The following SATL1 variants were observed in gnomAD, a reference collection of about 807,000 sequenced individuals.
The protein encoded by SATL1 is spermidine/spermine N1-acetyl transferase like 1.
Under a neutral mutation model 51.8 loss-of-function variants are expected in SATL1, and 47 were observed. That is an observed-to-expected ratio of 0.91 (90% CI 0.72 to 1.16). SATL1 has a LOEUF of 1.16. Among genes scored for constraint, SATL1 ranks in the 50% most tolerant of loss-of-function variants. SATL1 has a pLI of 0.00. For missense variants in SATL1, 520 were observed against 526.4 expected, an observed-to-expected ratio of 0.99 and a Z score of 0.12; for synonymous variants, 176 against 182.4, an observed-to-expected ratio of 0.97 and a Z score of 0.28.
At chrX:85,150,003 T>G (rs1317723416) in intron 2 of SATL1, among the ~76,000 whole-genome samples, 1 of 111,205 alleles carries the variant, frequency 9.0e-6, no homozygotes, top group African/African-American at 3.3e-5. Context: ...AAAAAACCCT[T>G]CAAAAAATTA....
intron 2 of SATL1, among the ~76,000 whole-genome samples, chrX:85,191,873 A>C (rs1464148708): frequency 9.0e-6 from 1 of 111,499 alleles, no homozygotes; most frequent in Non-Finnish European, 1.9e-5. Context: ...CACAGTTCAA[A>C]CCTGCATTGT....
intron 2 of SATL1, among the ~76,000 whole-genome samples, chrX:85,126,904 A>G (rs1925643252): frequency 9.4e-6 from 1 of 106,045 alleles, no homozygotes; most frequent in Admixed American, 1.0e-4. Context: ...TAGGAAATGT[A>G]TTCACTGTAG....
rs186264867 is a variant in SATL1 at position 85,107,799 on chromosome X, A to T, written c.1170T>A (p.Gly390=). Residue 390 remains glycine (G), a synonymous_variant, in exon 3 of 8, where the codon GGT becomes GGA. Coordinates refer to ENST00000644105, the MANE Select transcript of SATL1 (RefSeq NM_001367857.2). ...VMWQLDMRQS[G]GSQPSMRQVG... ...CTTGTCTCATGCTTGGTTGGCTCCC[A>T]CCTGACTGTCTCATGTCTAGTTGCC... 53 of 1,208,377 alleles carry T rather than the reference A, an allele frequency of 4.4e-5. No individual in the cohort carries two copies. In the East Asian group the frequency reaches 1.4e-3, roughly 32 times the overall value.
At chrX:85,227,518 A>G (rs1928299315) in intron 1 of SATL1, among the ~76,000 whole-genome samples, 1 of 112,092 alleles carries the variant, frequency 8.9e-6, no homozygotes, top group Non-Finnish European at 1.9e-5. Context: ...ATAGAAGTAT[A>G]CACCACCATT....
In SATL1 at chrX:85,111,181, T is replaced by C. The variant is rs759866128; in HGVS notation, c.-312-1901A>G. Among the ~76,000 whole-genome samples, 7 of 112,987 alleles carry C rather than the reference T, an allele frequency of 6.2e-5. No homozygotes were observed. In the South Asian group the frequency reaches 1.1e-3, roughly 17 times the overall value. ...CTTAGAGGAAGAGGCAAGTAATAGG[T>C]TTCTGGTTGATGTCTTTAATAAGTA... On this transcript the variant is annotated intron_variant, in intron 2 of 7. Transcript: ENST00000644105.
At chrX:85,219,222 A>C in intron 2 of SATL1, 1 of 112,264 alleles carries the variant, frequency 8.9e-6, no homozygotes, top group African/African-American at 3.2e-5. Context: ...TATGTGTACT[A>C]TATGGCTATC....
intron 2 of SATL1, among the ~76,000 whole-genome samples, chrX:85,173,836 A>G (rs1390743931): frequency 9.2e-6 from 1 of 108,898 alleles, no homozygotes; most frequent in Non-Finnish European, 1.9e-5. Flanking sequence ...GGTTTGTTAC[A>G]TATGTATACA....
chrX:85,203,009 T>G (rs1411646852), intron 2 of SATL1, among the ~76,000 whole-genome samples: 1 of 111,484 alleles, frequency 9.0e-6, no homozygotes, highest in Non-Finnish European at 1.9e-5. Flanking sequence ...CTGCAGGACC[T>G]GCCCAGTGAG....
chrX:85,108,635 G>T lies in SATL1; in HGVS notation c.334C>A (p.Pro112Thr), dbSNP rs757978723. The T allele has an allele frequency of 1.2e-5, 15 of 1,201,477 alleles. No homozygotes were observed. The highest frequency in any genetic ancestry group is 1.7e-5 in the Non-Finnish European group (15 of 890,234). Reference protein sequence around the residue: ...AGISQPDPSQPGPSQSGPSQS... With the variant: ...AGISQPDPSQTGPSQSGPSQS... ...CTGGGGCCTGATTGGCTTGGGCCTG[G>T]TTGCGATGGGTCTGGTTGGCTTATG... is the stretch of plus-strand genomic sequence containing the variant. The change falls in exon 3 of 8, where the codon CCA becomes ACA. Residue 112 changes from proline (P) to threonine (T), a missense_variant. Physicochemically the swap from Pro to Thr is conservative, Grantham distance 38. This residue lies in a region of SATL1 where 488 missense variants were observed against 474.3 expected (regional missense o/e 1.03). Transcript: ENST00000644105.
chrX:85,125,246 A>G (rs935614247), intron 2 of SATL1, among the ~76,000 whole-genome samples: 1 of 111,297 alleles, frequency 9.0e-6, no homozygotes, highest in African/African-American at 3.3e-5. Context: ...CAGACATTAA[A>G]TTATATATAC....
chrX:85,159,876 A>G (rs1410032519), intron 2 of SATL1, among the ~76,000 whole-genome samples: 1 of 111,242 alleles, frequency 9.0e-6, no homozygotes, highest in Non-Finnish European at 1.9e-5. Flanking sequence ...ACATGTGAAC[A>G]AGGATGGATC....
chrX:85,165,738 A>T (rs1926820660), intron 2 of SATL1, among the ~76,000 whole-genome samples: 1 of 111,747 alleles, frequency 8.9e-6, no homozygotes, highest in African/African-American at 3.3e-5. Context: ...CCATGGGGTG[A>T]TCCCTTGATA....
chrX:85,144,344 A>G (rs986752978), intron 2 of SATL1, among the ~76,000 whole-genome samples: 5 of 111,589 alleles, frequency 4.5e-5, no homozygotes, highest in Non-Finnish European at 9.4e-5. Context: ...ATTAGGAAAA[A>G]AATACGCTCT....
chrX:85,184,578 T>TG (rs1230743546), intron 2 of SATL1, among the ~76,000 whole-genome samples: 1 of 112,007 alleles, frequency 8.9e-6, no homozygotes, highest in Non-Finnish European at 1.9e-5. Context: ...AGCTCAATTC[T>TG]TTTTTTGCTG....
chrX:85,092,429 T>C lies in SATL1; in HGVS notation c.2050A>G (p.Asn684Asp). Residue 684 changes from asparagine to aspartate, a missense_variant, in exon 8 of 8, where the codon AAC becomes GAC. Physicochemically the swap from Asn to Asp is conservative, Grantham distance 23 (BLOSUM62 1). Coordinates refer to ENST00000644105, the MANE Select transcript of SATL1 (RefSeq NM_001367857.2). ...GCCATGTCCAGGAGTTCTTCTCTGTTAAACCTGAAGAGATGCCAGCCCTCC... is the reference window on the plus strand; with the variant it reads ...GCCATGTCCAGGAGTTCTTCTCTGTCAAACCTGAAGAGATGCCAGCCCTCC... Reference protein sequence around the residue: ...SEEGWHLFRFNREELLDMAWE... With the variant: ...SEEGWHLFRFDREELLDMAWE... 1 of 1,189,095 alleles carries C rather than the reference T, an allele frequency of 8.4e-7. No individual in the cohort carries two copies. Among genetic ancestry groups the C allele is most frequent in the East Asian group, 3.1e-5 (1 of 32,289 alleles).
intron 4 of SATL1, among the ~76,000 whole-genome samples, chrX:85,097,736 T>C (rs1158490166): frequency 8.9e-6 from 1 of 112,331 alleles, no homozygotes; most frequent in Admixed American, 9.4e-5. Flanking sequence ...AGAAGAATTT[T>C]GTATGCTATT....
Position 85,117,497 on chromosome X carries a change from G to A in SATL1, c.-312-8217C>T, listed in dbSNP as rs1206111977. ...TTTGTAAGAATCTTCTTACCTCAGA[G>A]CCAATATTGTTTTTTCTCTCCCTTT... On this transcript the variant is annotated intron_variant, in intron 2 of 7. Transcript: ENST00000644105. The A allele has an allele frequency of 4.4e-4, 49 of 111,148 alleles. 3 individuals carry two copies. The highest frequency in any genetic ancestry group is 1.9e-5 in the Non-Finnish European group (1 of 53,097). The allele number at this position is 111,148 out of a possible 1,213,427, so 9.2% of individuals were successfully genotyped here.
At chrX:85,166,730 G>A (rs1171870344) in intron 2 of SATL1, among the ~76,000 whole-genome samples, 1 of 110,277 alleles carries the variant, frequency 9.1e-6, no homozygotes, top group African/African-American at 3.3e-5. Context: ...ACTCCTTAAA[G>A]AACTAAAAGT....
chrX:85,164,431 G>C (rs1352445517), intron 2 of SATL1, among the ~76,000 whole-genome samples: 2 of 111,722 alleles, frequency 1.8e-5, no homozygotes, highest in African/African-American at 6.5e-5. Flanking sequence ...GTGCTGGCTT[G>C]GTAGTGGTGA....
Sources: allele counts gnomAD v4.1 joint callset (sites outside exome capture counted in the v4.1 genomes callset), GRCh38; gene constraint gnomAD v4.1.1; regional missense constraint gnomAD v4.1.1; transcripts MANE v1.5; gene names NCBI Gene and HGNC (gene_info 2026-07-23, HGNC 2026-07-21).